The following HSDL2 variants were observed in gnomAD, a reference collection of about 807,000 sequenced individuals.
HSDL2 encodes the protein hydroxysteroid dehydrogenase like 2, also known as hydroxysteroid dehydrogenase-like protein 2.
Under a neutral mutation model 46.3 loss-of-function variants are expected in HSDL2, and 27 were observed. That is an observed-to-expected ratio of 0.58 (90% CI 0.43 to 0.80). The LOEUF (loss-of-function observed/expected upper bound fraction) is 0.80, where lower values mean the gene tolerates loss of function less well. Ranked by LOEUF, HSDL2 falls within the 30% of genes least tolerant of loss-of-function variation. The pLI is 0.00. For synonymous variants in HSDL2, 153 were observed against 163.6 expected (o/e 0.94, Z 0.50); for missense variants, 451 against 502.7 (o/e 0.90, Z 0.98).
rs192377007 is a variant in HSDL2 at position 112,467,888 on chromosome 9, C to T, written c.1145-2544C>T. Among the ~76,000 whole-genome samples the T allele has an allele frequency of 4.1e-4, 62 of 152,290 alleles. 1 individual carries two copies. The highest frequency in any genetic ancestry group is 5.8e-4 in the East Asian group (3 of 5,182). On this transcript the variant is annotated intron_variant, in intron 10 of 10. Transcript: ENST00000398805. ...TGTTGTCCTAGAAATTTAACTCTCT[C>T]CTGCACTGAATCTCCTGTTTCCTGG...
intron 4 of HSDL2, among the ~76,000 whole-genome samples, chr9:112,409,467 A>G (rs747478241): frequency 6.6e-6 from 1 of 152,192 alleles, no homozygotes; most frequent in Non-Finnish European, 1.5e-5. Flanking sequence ...CTGGGATTAC[A>G]GGCATGAGCC....
At chr9:112,418,091 A>G (rs1364227534) in intron 5 of HSDL2, among the ~76,000 whole-genome samples, 2 of 152,180 alleles carry the variant, frequency 1.3e-5, no homozygotes, top group East Asian at 1.9e-4. Context: ...AAAGAAACAT[A>G]TTAAGAGATA....
At chr9:112,425,506 C>T (rs975729005) in intron 6 of HSDL2, among the ~76,000 whole-genome samples, 2 of 152,078 alleles carry the variant, frequency 1.3e-5, no homozygotes, top group African/African-American at 2.4e-5. Flanking sequence ...CTAGATACTC[C>T]TCAAATGTGT....
chr9:112,456,109 G>A (rs959338865), intron 9 of HSDL2, among the ~76,000 whole-genome samples: 9 of 152,076 alleles, frequency 5.9e-5, no homozygotes, highest in Admixed American at 1.3e-4. Flanking sequence ...ATTTTGTGCT[G>A]TTAATTGAAC....
chr9:112,434,927 ATGT>A (rs1832489524), intron 6 of HSDL2, among the ~76,000 whole-genome samples: 1 of 152,158 alleles, frequency 6.6e-6, no homozygotes. Flanking sequence ...TTTCAGGTCG[ATGT>A]TGTTGACTCT....
chr9:112,466,464 AAT>A (rs1833383817), intron 10 of HSDL2, among the ~76,000 whole-genome samples: 1 of 151,998 alleles, frequency 6.6e-6, no homozygotes, highest in South Asian at 2.1e-4. Flanking sequence ...GAGGCAGGAG[AAT>A]CGCTTGAACC....
chr9:112,416,811 A>C lies in HSDL2; in HGVS notation c.396-30A>C, dbSNP rs144488204. 55 of 1,090,212 alleles carry C rather than the reference A, an allele frequency of 5.0e-5. No homozygotes were observed. In the East Asian group the frequency reaches 1.3e-3, roughly 25 times the overall value. The allele number at this position is 1,090,212 out of a possible 1,614,324, so 67.5% of individuals were successfully genotyped here. On this transcript the variant is annotated intron_variant, in intron 4 of 10. Transcript: ENST00000398805. The stretch of plus-strand genomic sequence containing the variant: ...TGGAGAAATTGTTAGAAAGCTATTA[A>C]ATTTGGCTTGTATTTTCTTTTGCTT...
intron 6 of HSDL2, among the ~76,000 whole-genome samples, chr9:112,433,208 T>C (rs1056890725): frequency 6.6e-6 from 1 of 152,176 alleles, no homozygotes; most frequent in African/African-American, 2.4e-5. Context: ...GGGAAAGACA[T>C]TTCTTGGCAG....
In HSDL2 at chr9:112,420,623, G is replaced by A. The variant is rs531513899; in HGVS notation, c.598+1665G>A. ...GGGTTGAAGGCTGCAGTGAGCCATGGTCATGCTGTTGCACTTCAGCCTCAG... is the reference window on the plus strand; with the variant it reads ...GGGTTGAAGGCTGCAGTGAGCCATGATCATGCTGTTGCACTTCAGCCTCAG... On this transcript the variant is annotated intron_variant, in intron 6 of 10. Transcript: ENST00000398805. Among the ~76,000 whole-genome samples the A allele has an allele frequency of 9.9e-5, 15 of 152,110 alleles. No individual in the cohort carries two copies. In the South Asian group the frequency reaches 3.1e-3, roughly 32 times the overall value.
intron 6 of HSDL2, among the ~76,000 whole-genome samples, chr9:112,433,505 A>G (rs1832453436): frequency 6.6e-6 from 1 of 152,194 alleles, no homozygotes; most frequent in South Asian, 2.1e-4. Flanking sequence ...AAACTGGGGA[A>G]AATAGGAGCA....
At chr9:112,421,539 ATTCT>A (rs1482295634) in intron 6 of HSDL2, among the ~76,000 whole-genome samples, 1 of 152,062 alleles carries the variant, frequency 6.6e-6, no homozygotes, top group East Asian at 1.9e-4. Context: ...AAGTCTTCAT[ATTCT>A]TCATTACATT....
At chr9:112,418,762 GA>G in intron 5 of HSDL2, 97 bp from the exon 6 acceptor site, 2 of 518,576 alleles carry the variant, frequency 3.9e-6, no homozygotes, top group African/African-American at 3.9e-5. Context: ...CATATATCAG[GA>G]AGAAAATAGT....
At chr9:112,457,249 A>G (rs2132699733) in intron 9 of HSDL2, among the ~76,000 whole-genome samples, 1 of 152,350 alleles carries the variant, frequency 6.6e-6, no homozygotes, top group African/African-American at 2.4e-5. Context: ...TAAAGTTCAC[A>G]GCAGCAGGAT....
At chr9:112,425,729 TTTTA>T (rs1366821869) in intron 6 of HSDL2, among the ~76,000 whole-genome samples, 2 of 152,182 alleles carry the variant, frequency 1.3e-5, no homozygotes, top group Non-Finnish European at 1.5e-5. Flanking sequence ...TAGAACTGAT[TTTTA>T]TTTATTTATT....
At chr9:112,459,320 A>C in intron 9 of HSDL2, 129 bp from the exon 10 acceptor site, 1 of 936,004 alleles carries the variant, frequency 1.1e-6, no homozygotes, top group Non-Finnish European at 1.6e-6. Flanking sequence ...GCTGAATTTG[A>C]CTGATGGAGG....
chr9:112,467,474 T>C (rs1320349960), intron 10 of HSDL2, among the ~76,000 whole-genome samples: 1 of 152,184 alleles, frequency 6.6e-6, no homozygotes, highest in Non-Finnish European at 1.5e-5. Flanking sequence ...TGAAACTAGA[T>C]AGATACCACG....
chr9:112,462,071 C>T (rs182287529), intron 10 of HSDL2, among the ~76,000 whole-genome samples: 9 of 152,294 alleles, frequency 5.9e-5, no homozygotes, highest in African/African-American at 2.2e-4. Context: ...ATCTGCTTTC[C>T]TTTAAATGGG....
intron 1 of HSDL2, among the ~76,000 whole-genome samples, chr9:112,401,517 C>T (rs1375162019): frequency 6.6e-6 from 1 of 150,936 alleles, no homozygotes; most frequent in Non-Finnish European, 1.5e-5. Flanking sequence ...AATTAGCATT[C>T]CTTGTCATCG....
At chr9:112,417,063 C>T in intron 5 of HSDL2, 119 bp downstream of exon 5, 1 of 459,252 alleles carries the variant, frequency 2.2e-6, no homozygotes, top group South Asian at 5.3e-5. Flanking sequence ...ATTTTCTATG[C>T]CAAGTCATTA....
Sources: allele counts gnomAD v4.1 joint callset (sites outside exome capture counted in the v4.1 genomes callset), GRCh38; gene constraint gnomAD v4.1.1; transcripts MANE v1.5; gene names NCBI Gene and HGNC (gene_info 2026-07-23, HGNC 2026-07-21).